The following TCF7L1 variants were observed in gnomAD, a reference collection of about 807,000 sequenced individuals.
The protein encoded by TCF7L1 is transcription factor 7 like 1.
A neutral mutation model predicts 63.7 loss-of-function variants in TCF7L1; 18 were observed. The observed-to-expected ratio is 0.28, with a 90% CI of 0.20 to 0.42. The LOEUF (loss-of-function observed/expected upper bound fraction) is 0.42. Ranked by LOEUF, TCF7L1 falls within the 10% of genes least tolerant of loss-of-function variation. TCF7L1 has a pLI of 1.00. For synonymous variants in TCF7L1, 355 were observed against 340.9 expected (o/e 1.04, Z -0.46); for missense variants, 654 against 779.3 (o/e 0.84, Z 1.91).
intron 3 of TCF7L1, among the ~76,000 whole-genome samples, chr2:85,197,672 A>G (rs1310275562): frequency 1.3e-5 from 2 of 152,246 alleles, no homozygotes; most frequent in Non-Finnish European, 2.9e-5. Flanking sequence ...GACAACTGTC[A>G]ATCGTCACCC....
At chr2:85,150,490 C>A (rs1677983570) in intron 3 of TCF7L1, among the ~76,000 whole-genome samples, 1 of 152,122 alleles carries the variant, frequency 6.6e-6, no homozygotes, top group Non-Finnish European at 1.5e-5. Context: ...CCTTGGCCTC[C>A]CAAAGTGCTG....
chr2:85,264,538 C>G (rs1401331516), intron 3 of TCF7L1, among the ~76,000 whole-genome samples: 1 of 152,160 alleles, frequency 6.6e-6, no homozygotes, highest in African/African-American at 2.4e-5. Flanking sequence ...AAGACCTGAT[C>G]ACCACCCAGT....
rs1573035852 is a variant in TCF7L1 at position 85,306,394 on chromosome 2, G to A, written c.1149+29G>A. ...AGACCTGCCCTCTCCCTCCAGGCCA[G>A]GGAGGCAGCGTCCCTGCATTGATGG... On this transcript the variant is annotated intron_variant, in intron 9 of 11. Transcript: ENST00000282111. The surrounding 1 kb of genome is among the most constrained non-coding windows in gnomAD (Gnocchi z 4.3). The A allele has an allele frequency of 6.2e-7, 1 of 1,613,038 alleles. No individual in the cohort carries two copies.
chr2:85,213,965 C>T (rs1175897853), intron 3 of TCF7L1, among the ~76,000 whole-genome samples: 1 of 152,200 alleles, frequency 6.6e-6, no homozygotes, highest in East Asian at 1.9e-4. Context: ...TGGGGGGCTT[C>T]CTCCCACCCC....
rs1558663132 is a variant in TCF7L1 at position 85,307,618 on chromosome 2, TCTTCCTTTGG to T, written c.1258-21_1258-12del. On this transcript the variant is annotated splice_polypyrimidine_tract_variant and intron_variant, in intron 10 of 11. Coordinates refer to ENST00000282111, the MANE Select transcript of TCF7L1 (RefSeq NM_031283.3). ...CAGCATTCTTCTCTCCCAGCTTACC[TCTTCCTTTGG>T]CTGTATTTTCCAGGGTAAGAAAAAG... The T allele has an allele frequency of 6.2e-7, 1 of 1,610,182 alleles. No homozygotes were observed. The highest frequency in any genetic ancestry group is 1.3e-5 in the African/African-American group (1 of 74,944).
In TCF7L1 at chr2:85,264,247, C is replaced by G. The variant is rs532217132; in HGVS notation, c.442-19248C>G. Among the ~76,000 whole-genome samples the G allele has an allele frequency of 2.0e-5, 3 of 152,294 alleles. No individual in the cohort carries two copies. The East Asian group carries it at 5.8e-4, about 29-fold the overall frequency. ...ACTTGGAGTTTAATTCAGCGTGTAT[C>G]TGAGTGACTACGTGAGTACTCCTGA... is the stretch of plus-strand genomic sequence containing the variant. On this transcript the variant is annotated intron_variant, in intron 3 of 11. Coordinates refer to ENST00000282111, the MANE Select transcript of TCF7L1 (RefSeq NM_031283.3).
intron 3 of TCF7L1, among the ~76,000 whole-genome samples, chr2:85,281,948 C>G (rs938317934): frequency 6.6e-6 from 1 of 152,092 alleles, no homozygotes; most frequent in Non-Finnish European, 1.5e-5. Context: ...TTGATTTTTC[C>G]TGATATTACA....
rs1432265718 is a variant in TCF7L1 at position 85,202,990 on chromosome 2, C to T, written c.441+68540C>T. 6.6e-5 allele frequency among the ~76,000 whole-genome samples: 10 copies of T among 152,250 alleles called. 1 individual carries two copies. The East Asian group carries it at 1.2e-3, about 18-fold the overall frequency. On this transcript the variant is annotated intron_variant, in intron 3 of 11. Transcript: ENST00000282111. ...CTGGGACTACAGGCACCCGCCACCA[C>T]GCCCGGCTAATTTTTTGTATTTTTT...
chr2:85,254,580 G>A (rs1402155508), intron 3 of TCF7L1, among the ~76,000 whole-genome samples: 2 of 152,214 alleles, frequency 1.3e-5, no homozygotes, highest in Admixed American at 1.3e-4. Flanking sequence ...ACATTAATGA[G>A]TTTTGCCTGT....
chr2:85,239,944 T>TAAAAAAAA (rs11337671), intron 3 of TCF7L1, among the ~76,000 whole-genome samples: 2 of 104,390 alleles, frequency 1.9e-5, no homozygotes, highest in African/African-American at 7.6e-5. Flanking sequence ...AGACTCCATC[T>TAAAAAAAA]AAAAAAAAAA....
At chr2:85,286,836 A>T (rs1681572056) in intron 4 of TCF7L1, among the ~76,000 whole-genome samples, 1 of 152,130 alleles carries the variant, frequency 6.6e-6, no homozygotes, top group South Asian at 2.1e-4. Context: ...TCACACCTAT[A>T]GTCCCATTTA....
At chr2:85,172,977 T>C (rs1678587141) in intron 3 of TCF7L1, among the ~76,000 whole-genome samples, 1 of 152,224 alleles carries the variant, frequency 6.6e-6, no homozygotes, top group African/African-American at 2.4e-5. Context: ...TTCACTGGTC[T>C]ACCCCAGCAC....
At chr2:85,156,503 G>A (rs1678149407) in intron 3 of TCF7L1, among the ~76,000 whole-genome samples, 1 of 152,174 alleles carries the variant, frequency 6.6e-6, no homozygotes, top group Admixed American at 6.5e-5. Context: ...ACCAGATGTG[G>A]GGAGCTCTGG....
intron 3 of TCF7L1, among the ~76,000 whole-genome samples, chr2:85,250,135 T>C (rs891083316): frequency 1.3e-5 from 2 of 152,202 alleles, no homozygotes; most frequent in Non-Finnish European, 2.9e-5. Context: ...AACAGTCAGC[T>C]CCTGGTGGGG....
intron 3 of TCF7L1, among the ~76,000 whole-genome samples, chr2:85,155,587 C>G (rs748691479): frequency 2.0e-5 from 3 of 152,178 alleles, no homozygotes; most frequent in African/African-American, 7.2e-5. Flanking sequence ...CTCTAGTCTT[C>G]GTACTTCATT....
chr2:85,221,732 C>G (rs55750438), intron 3 of TCF7L1, among the ~76,000 whole-genome samples: 7,564 of 152,214 alleles, frequency 0.05, 208 homozygotes, highest in African/African-American at 0.055. Context: ...TTGCATTATG[C>G]ATTAAGTTTG....
intron 3 of TCF7L1, among the ~76,000 whole-genome samples, chr2:85,194,918 G>A (rs1188548014): frequency 1.3e-5 from 2 of 152,212 alleles, no homozygotes; most frequent in Non-Finnish European, 2.9e-5. Context: ...TACATGAGTA[G>A]TCCTTATTGC....
At chr2:85,148,735 G>A (rs1331617411) in intron 3 of TCF7L1, among the ~76,000 whole-genome samples, 2 of 150,786 alleles carry the variant, frequency 1.3e-5, no homozygotes, top group Non-Finnish European at 3.0e-5. Flanking sequence ...ATTTTAACCA[G>A]CATCTTAACA....
intron 3 of TCF7L1, among the ~76,000 whole-genome samples, chr2:85,190,294 GGAGA>G (rs1434476016): frequency 3.9e-5 from 6 of 152,188 alleles, no homozygotes; most frequent in Admixed American, 6.5e-5. Flanking sequence ...CTTAGGTCAA[GGAGA>G]GTAGACTTTG....
Sources: allele counts gnomAD v4.1 joint callset (sites outside exome capture counted in the v4.1 genomes callset), GRCh38; gene constraint gnomAD v4.1.1; non-coding constraint Gnocchi (gnomAD v3.1); transcripts MANE v1.5; gene names NCBI Gene and HGNC (gene_info 2026-07-23, HGNC 2026-07-21).